The following CPT1C variants were observed in gnomAD, a reference collection of about 807,000 sequenced individuals.
The protein encoded by CPT1C is carnitine palmitoyltransferase 1C.
CPT1C carries 61 observed loss-of-function variants against 97.3 expected under a neutral mutation model. The observed-to-expected ratio is 0.63, with a 90% CI of 0.51 to 0.78. The LOEUF is 0.78. Ranked by LOEUF, CPT1C falls within the 30% of genes least tolerant of loss-of-function variation. The pLI is 0.00. For missense variants in CPT1C, 975 were observed against 1,065.5 expected, an observed-to-expected ratio of 0.92 and a Z score of 1.18; for synonymous variants, 469 against 447.2, an observed-to-expected ratio of 1.05 and a Z score of -0.61.
Position 49,710,378 on chromosome 19 carries a change from A to T in CPT1C, c.1625A>T (p.Asp542Val). 6.2e-7 allele frequency: 1 copy of T among 1,613,978 alleles called. No homozygotes were observed. The highest frequency in any genetic ancestry group is 8.5e-7 in the Non-Finnish European group (1 of 1,179,992). The stretch of plus-strand genomic sequence containing the variant: ...GCCAAGATCTTGTCTGAAAATGTCG[A>T]CTGCCATGTCGTTCCATTCTCCCTA... ...RGAKILSENV[D>V]CHVVPFSLFG... Residue 542 changes from aspartate (D) to valine (V), a missense_variant, in exon 15 of 20, where the codon GAC becomes GTC. Asp to Val is a radical substitution (Grantham distance 152). Transcript: ENST00000598293.
chr19:49,700,722 C>T lies in CPT1C; in HGVS notation c.320C>T (p.Ala107Val). 6.2e-7 allele frequency: 1 copy of T among 1,611,688 alleles called. No individual in the cohort carries two copies. Among genetic ancestry groups the T allele is most frequent in the Non-Finnish European group, 8.5e-7 (1 of 1,180,024 alleles). The change falls in exon 5 of 20, where the codon GCC becomes GTC. Residue 107 changes from alanine to valine, a missense_variant. Transcript: ENST00000598293. ...CACGGGCTCCGGGGGGTCCTGGCAG[C>T]CGCGCTGTTTGCCTCGTGTTTGTGG... is the stretch of plus-strand genomic sequence containing the variant. ...QHHGLRGVLA[A>V]ALFASCLWGA... is the part of the protein sequence containing the mutation.
rs773943950 is a variant in CPT1C at position 49,712,935 on chromosome 19, G to A, written c.2134-37G>A. Reference sequence around the variant, plus strand: ...CTGCATAGTGGGGGTGGAGGGGACCGGAGCTATTTTCTTCCCTTCACTCTT... The same window carrying A: ...CTGCATAGTGGGGGTGGAGGGGACCAGAGCTATTTTCTTCCCTTCACTCTT... On this transcript the variant is annotated intron_variant, in intron 18 of 19. Coordinates refer to ENST00000598293, the MANE Select transcript of CPT1C (RefSeq NM_001199753.2). The A allele has an allele frequency of 1.1e-5, 18 of 1,597,656 alleles. No homozygotes were observed. In the South Asian group the frequency reaches 1.9e-4, roughly 17 times the overall value.
At chr19:49,709,353 C>A (rs778145402) in intron 14 of CPT1C, among the ~76,000 whole-genome samples, 5 of 151,706 alleles carry the variant, frequency 3.3e-5, no homozygotes, top group Admixed American at 1.3e-4. Context: ...ATACCCCACA[C>A]CAACCCCATC....
chr19:49,709,566 T>C (rs2083720885), intron 14 of CPT1C, among the ~76,000 whole-genome samples: 1 of 150,702 alleles, frequency 6.6e-6, no homozygotes, highest in Admixed American at 6.6e-5. Flanking sequence ...TTTTTTTTTT[T>C]TTTTTTGAGA....
chr19:49,704,171 T>C (rs1323582151), intron 7 of CPT1C, among the ~76,000 whole-genome samples: 1 of 152,232 alleles, frequency 6.6e-6, no homozygotes, highest in Non-Finnish European at 1.5e-5. Context: ...ATTTATGTTC[T>C]GTTTTTCTTT....
At position 49,711,888 on chromosome 19, in the gene CPT1C, G is replaced by T; in HGVS notation, c.1946G>T (p.Gly649Val). The change falls in exon 17 of 20, where the codon GGA (glycine) becomes GTA (valine). Residue 649 changes from glycine to valine, a missense_variant. Gly to Val is a moderately radical substitution (Grantham distance 109, BLOSUM62 -3). Around this residue, in one of 3 missense-constraint regions of CPT1C, gnomAD observed 344 missense variants for 395.7 expected, o/e 0.87. Transcript: ENST00000598293. ...CTGAAGGCAGCCATGAGCGGGCAGGGAGTTGACCGCCACCTGTTTGCGCTG... is the reference window on the plus strand; with the variant it reads ...CTGAAGGCAGCCATGAGCGGGCAGGTAGTTGACCGCCACCTGTTTGCGCTG... ...ALLKAAMSGQGVDRHLFALYI... is the reference protein window; with the variant it reads ...ALLKAAMSGQVVDRHLFALYI... 1 of 1,614,154 alleles carries T rather than the reference G, an allele frequency of 6.2e-7. No homozygotes were observed. The highest frequency in any genetic ancestry group is 8.5e-7 in the Non-Finnish European group (1 of 1,180,042).
chr19:49,711,688 G>A, intron 16 of CPT1C, 121 bp from the exon 17 acceptor site: 1 of 1,007,462 alleles, frequency 9.9e-7, no homozygotes, highest in Non-Finnish European at 1.4e-6. Context: ...CTGTAAAATG[G>A]GGTTGATATT....
At chr19:49,711,638 TG>T in intron 16 of CPT1C, 170 bp from the exon 17 acceptor site, 1 of 710,218 alleles carries the variant, frequency 1.4e-6, no homozygotes, top group Non-Finnish European at 2.3e-6. Context: ...TGTGTGAACC[TG>T]GCCAAATGAT....
rs1600081064 is a variant in CPT1C, at chr19:49,701,654, C to A, written c.693+20C>A. The A allele has an allele frequency of 6.3e-7, 1 of 1,582,492 alleles. No individual in the cohort carries two copies. The highest frequency in any genetic ancestry group is 1.1e-5 in the South Asian group (1 of 89,070). ...AATTATGTGAGTCCCGCCACCGCCA[C>A]CAACGCCCCACCTGAAGGGCTAAGG... On this transcript the variant is annotated intron_variant, in intron 7 of 19. Transcript: ENST00000598293.
intron 4 of CPT1C, 98 bp downstream of exon 4, chr19:49,697,563 C>T (rs566919118): frequency 1.4e-6 from 2 of 1,386,844 alleles, no homozygotes; most frequent in Non-Finnish European, 2.0e-6. Context: ...AGAAAAGTAA[C>T]CTCTGAGACT....
chr19:49,700,775 G>T lies in CPT1C; in HGVS notation c.373G>T (p.Ala125Ser). The T allele has an allele frequency of 6.2e-7, 1 of 1,613,358 alleles. No homozygotes were observed. The highest frequency in any genetic ancestry group is 8.5e-7 in the Non-Finnish European group (1 of 1,180,016). Residue 125 changes from alanine to serine, a missense_variant, in exon 5 of 20, where the codon GCC becomes TCC. Coordinates refer to ENST00000598293, the MANE Select transcript of CPT1C (RefSeq NM_001199753.2). ...WGALIFTLHV[A>S]LRLLLSYHGW... Reference sequence around the variant, plus strand: ...AGCCCTGATCTTCACACTGCACGTGGCCCTGAGGCTGCTTCTGTCCTACCA... The same window carrying T: ...AGCCCTGATCTTCACACTGCACGTGTCCCTGAGGCTGCTTCTGTCCTACCA...
chr19:49,712,262 T>C, intron 17 of CPT1C: 1 of 380,566 alleles, frequency 2.6e-6, no homozygotes, highest in South Asian at 2.9e-5. Flanking sequence ...TAGAATCCCT[T>C]GAACCCGGGA....
chr19:49,703,535 TC>T (rs2083313323), intron 7 of CPT1C, among the ~76,000 whole-genome samples: 1 of 136,600 alleles, frequency 7.3e-6, no homozygotes, highest in South Asian at 2.5e-4. Context: ...TTTCTCTCTC[TC>T]CCCCTCCCTC....
At chr19:49,702,824 G>C (rs62128130) in intron 7 of CPT1C, among the ~76,000 whole-genome samples, 18,644 of 151,526 alleles carry the variant, frequency 0.12, 1,397 homozygotes, top group Non-Finnish European at 0.17. Context: ...GGCTGCAGAG[G>C]AAGCTACCGT....
rs776611989 is a variant in CPT1C at position 49,710,796 on chromosome 19, T to C, written c.1805T>C (p.Val602Ala). The part of the protein sequence containing the change: ...RLFLEGRTET[V>A]RSCTREACNF... The stretch of plus-strand genomic sequence containing the variant: ...TTCCTGGAAGGCCGGACGGAGACGG[T>C]GCGGTCTTGCACGAGGGAGGCCTGC... Residue 602 changes from valine to alanine, a missense_variant, in exon 16 of 20, where the codon GTG (valine) becomes GCG (alanine). Around this residue, in one of 3 missense-constraint regions of CPT1C, gnomAD observed 344 missense variants for 395.7 expected, o/e 0.87. Transcript: ENST00000598293. 4 of 1,613,888 alleles carry C rather than the reference T, an allele frequency of 2.5e-6. No homozygotes were observed. The African/African-American group carries it at 4.0e-5, about 16-fold the overall frequency.
chr19:49,691,938 A>G, intron 2 of CPT1C, 49 bp downstream of exon 2: 4 of 368,598 alleles, frequency 1.1e-5, no homozygotes, highest in Non-Finnish European at 2.0e-5. Flanking sequence ...GTCGGCGCAA[A>G]AAGGCAGCTG....
intron 8 of CPT1C, 102 bp downstream of exon 8, chr19:49,704,889 C>T: frequency 7.1e-7 from 1 of 1,409,302 alleles, no homozygotes; most frequent in South Asian, 1.2e-5. Flanking sequence ...TCTAGACGCG[C>T]CATCTGGGAT....
intron 7 of CPT1C, 39 bp from the exon 8 acceptor site, chr19:49,704,671 C>T: frequency 6.5e-7 from 1 of 1,545,380 alleles, no homozygotes; most frequent in Non-Finnish European, 8.9e-7. Flanking sequence ...CCCAACAGGC[C>T]CCAGCCCCTC....
intron 16 of CPT1C, chr19:49,711,594 G>C: frequency 1.7e-6 from 1 of 582,952 alleles, no homozygotes; most frequent in Non-Finnish European, 3.0e-6. Flanking sequence ...TCTGGGGCCA[G>C]ACACACCTAG....
Sources: allele counts gnomAD v4.1 joint callset (sites outside exome capture counted in the v4.1 genomes callset), GRCh38; gene constraint gnomAD v4.1.1; regional missense constraint gnomAD v4.1.1; transcripts MANE v1.5; gene names NCBI Gene and HGNC (gene_info 2026-07-23, HGNC 2026-07-21).